The following ZNF438 variants were observed in gnomAD, a reference collection of about 807,000 sequenced individuals.
ZNF438 encodes the protein zinc finger protein 438.
ZNF438 carries 25 observed loss-of-function variants against 38.0 expected under a neutral mutation model. The observed-to-expected ratio is 0.66, with a 90% CI of 0.48 to 0.92. ZNF438 has a LOEUF of 0.92. ZNF438 is among the 40% of genes least tolerant of loss of function. ZNF438 has a pLI of 0.00. For synonymous variants in ZNF438, 372 were observed against 364.1 expected (o/e 1.02, Z -0.25); for missense variants, 1,007 against 999.6 (o/e 1.01, Z -0.10).
At chr10:30,862,553 A>G (rs1001225667) in intron 4 of ZNF438, among the ~76,000 whole-genome samples, 1 of 152,138 alleles carries the variant, frequency 6.6e-6, no homozygotes. Context: ...AGGTCCTCCT[A>G]CCTCAGTTCC....
intron 1 of ZNF438, among the ~76,000 whole-genome samples, chr10:31,009,246 T>TG (rs2055430039): frequency 6.6e-6 from 1 of 152,196 alleles, no homozygotes; most frequent in African/African-American, 2.4e-5. Flanking sequence ...CTAGATAGAT[T>TG]GTGTGTTGCT....
intron 4 of ZNF438, among the ~76,000 whole-genome samples, chr10:30,866,783 G>A (rs992481469): frequency 4.6e-5 from 7 of 151,784 alleles, no homozygotes; most frequent in South Asian, 2.1e-4. Flanking sequence ...GCAGTGAGCC[G>A]AGATCGCGCC....
At chr10:31,005,293 G>A (rs1200460941) in intron 1 of ZNF438, among the ~76,000 whole-genome samples, 1 of 152,122 alleles carries the variant, frequency 6.6e-6, no homozygotes, top group Non-Finnish European at 1.5e-5. Flanking sequence ...ATATATATAT[G>A]TACATGCACG....
intron 3 of ZNF438, among the ~76,000 whole-genome samples, chr10:30,884,529 G>GA (rs1209673432): frequency 1.3e-5 from 2 of 152,048 alleles, no homozygotes; most frequent in African/African-American, 4.8e-5. Context: ...AGTTTATAAG[G>GA]AAAAACCTCT....
chr10:30,860,958 G>A, intron 4 of ZNF438, among the ~76,000 whole-genome samples: 1 of 152,148 alleles, frequency 6.6e-6, no homozygotes, highest in Non-Finnish European at 1.5e-5. Flanking sequence ...GCAGACTTTA[G>A]TATTTTGCCG....
At chr10:30,856,202 C>T (rs543018190) in intron 4 of ZNF438, among the ~76,000 whole-genome samples, 7 of 151,934 alleles carry the variant, frequency 4.6e-5, no homozygotes, top group East Asian at 1.9e-4. Context: ...GTAAGTAATC[C>T]GACAGGCAGT....
chr10:30,846,236 G>C (rs1047111659), intron 5 of ZNF438, among the ~76,000 whole-genome samples: 20 of 152,202 alleles, frequency 1.3e-4, no homozygotes, highest in Non-Finnish European at 2.5e-4. Context: ...ATTTGGGGAA[G>C]AGGAGAAGAT....
chr10:30,908,098 G>A (rs1031466755), intron 3 of ZNF438, among the ~76,000 whole-genome samples: 1 of 151,912 alleles, frequency 6.6e-6, no homozygotes, highest in African/African-American at 2.4e-5. Flanking sequence ...TGATTATTTA[G>A]AAGTATATTA....
chr10:30,850,270 G>A (rs756299364), exon 5 of ZNF438: 1 of 1,614,058 alleles, frequency 6.2e-7, no homozygotes, highest in Non-Finnish European at 8.5e-7. Flanking sequence ...TGGACGTTAG[G>A]ACTTTGGGCA....
chr10:31,019,121 T>C (rs770574708), intron 1 of ZNF438, among the ~76,000 whole-genome samples: 7 of 152,192 alleles, frequency 4.6e-5, no homozygotes, highest in Non-Finnish European at 1.0e-4. Flanking sequence ...CACACTCTCA[T>C]ACAATCTATT....
At chr10:31,013,102 G>A (rs1361406228) in intron 1 of ZNF438, among the ~76,000 whole-genome samples, 1 of 152,062 alleles carries the variant, frequency 6.6e-6, no homozygotes, top group Non-Finnish European at 1.5e-5. Flanking sequence ...GGCGGATCAC[G>A]AGGTCAGGAG....
intron 1 of ZNF438, among the ~76,000 whole-genome samples, chr10:30,951,260 G>A (rs1013200090): frequency 1.3e-5 from 2 of 150,672 alleles, no homozygotes; most frequent in African/African-American, 4.9e-5. Flanking sequence ...AAAATAATAA[G>A]AGCTATCTAT....
rs1035229885 is a variant in ZNF438 at position 31,015,732 on chromosome 10, A to G, written c.-192+16101T>C. 2.0e-5 allele frequency among the ~76,000 whole-genome samples: 3 copies of G among 152,218 alleles called. No homozygotes were observed. The East Asian group carries it at 5.8e-4, about 29-fold the overall frequency. On this transcript the variant is annotated intron_variant, in intron 1 of 5. Transcript: ENST00000413025. ...ATATACTATCAACTTCAGCTGCAAT[A>G]ATGACATACCATGACTGGGACTTCC... is the stretch of plus-strand genomic sequence containing the variant.
chr10:30,988,006 T>G (rs72814473), intron 1 of ZNF438, among the ~76,000 whole-genome samples: 8,030 of 152,274 alleles, frequency 0.053, 251 homozygotes, highest in Non-Finnish European at 0.072. Flanking sequence ...TGAGAATGCC[T>G]ACAATTTAGC....
At chr10:30,930,597 A>T (rs2045538751) in intron 2 of ZNF438, among the ~76,000 whole-genome samples, 2 of 151,842 alleles carry the variant, frequency 1.3e-5, no homozygotes, top group African/African-American at 2.4e-5. Flanking sequence ...TCACCTCTCA[A>T]GACCCTCCTG....
intron 3 of ZNF438, among the ~76,000 whole-genome samples, chr10:30,902,297 G>A (rs1391745529): frequency 1.3e-5 from 2 of 152,122 alleles, no homozygotes; most frequent in African/African-American, 4.8e-5. Context: ...CAATCCCTGA[G>A]CTAGACACAA....
chr10:30,891,042 T>C (rs2040620205), intron 3 of ZNF438, among the ~76,000 whole-genome samples: 1 of 152,240 alleles, frequency 6.6e-6, no homozygotes, highest in Admixed American at 6.5e-5. Flanking sequence ...GTTCTTTGTA[T>C]ATAATTTGCT....
rs1410828568 is a variant in ZNF438 at position 30,874,102 on chromosome 10, G to GT, written c.37+2895_37+2896insA. Among the ~76,000 whole-genome samples, 41 of 15,228 alleles carry GT rather than the reference G, an allele frequency of 2.7e-3. 1 individual carries two copies. Among genetic ancestry groups the GT allele is most frequent in the African/African-American group, 0.02 (41 of 2,030 alleles). 10.0% of individuals were successfully genotyped at this position (15,228 alleles called of 152,430 possible). A position where few individuals can be genotyped will look rare whatever the true frequency, so the allele number is the denominator to read the frequency against. ...TAATATATTACGTGTGGGTGTGTGG[G>GT]GGTGTGTGTGTGTATATATATATAT... On this transcript the variant is annotated intron_variant, in intron 4 of 5. Transcript: ENST00000413025.
In ZNF438 at chr10:30,952,489, C is replaced by T. The variant is rs933500058; in HGVS notation, c.-191-10838G>A. 6.6e-3 allele frequency among the ~76,000 whole-genome samples: 1,001 copies of T among 151,506 alleles called. 12 individuals carry two copies. Among genetic ancestry groups the T allele is most frequent in the African/African-American group, 0.022 (927 of 41,320 alleles). The stretch of plus-strand genomic sequence containing the variant: ...AACCTACAAAATGGGAGAAAATTTT[C>T]GCAACCTACTCATCTGACAAAGGGC... On this transcript the variant is annotated intron_variant, in intron 1 of 5. Transcript: ENST00000413025.
Sources: gnomAD v4.1 joint callset for allele counts (sites outside exome capture counted in the v4.1 genomes callset) on GRCh38, gnomAD v4.1.1 for gene constraint, MANE v1.5 for transcripts, NCBI Gene and HGNC (gene_info 2026-07-23, HGNC 2026-07-21) for gene names.